The following GTF2E2 variants were observed in gnomAD, a reference collection of about 807,000 sequenced individuals.
The protein encoded by GTF2E2 is general transcription factor IIE subunit 2.
A neutral mutation model predicts 40.5 loss-of-function variants in GTF2E2; 21 were observed. The observed-to-expected ratio is 0.52, with a 90% CI of 0.37 to 0.75. GTF2E2 has a LOEUF of 0.75. GTF2E2 is among the 30% of genes least tolerant of loss of function. The pLI, the probability that GTF2E2 is intolerant of heterozygous loss-of-function variation, is 0.00. For synonymous variants in GTF2E2, 117 were observed against 121.6 expected, an observed-to-expected ratio of 0.96 and a Z score of 0.25; for missense variants, 298 against 338.4, an observed-to-expected ratio of 0.88 and a Z score of 0.94.
intron 3 of GTF2E2, among the ~76,000 whole-genome samples, chr8:30,633,993 A>G (rs1037522373): frequency 2.0e-5 from 3 of 152,252 alleles, no homozygotes; most frequent in African/African-American, 7.2e-5. Context: ...TTTAACCAAT[A>G]GATGGATGAA....
intron 6 of GTF2E2, among the ~76,000 whole-genome samples, chr8:30,582,649 T>C (rs563514392): frequency 3.9e-5 from 6 of 152,358 alleles, no homozygotes; most frequent in African/African-American, 7.2e-5. Flanking sequence ...CACTGGTCAG[T>C]TGTTTTACAG....
intron 2 of GTF2E2, among the ~76,000 whole-genome samples, chr8:30,642,404 T>C (rs1054333871): frequency 6.6e-6 from 1 of 151,782 alleles, no homozygotes; most frequent in Admixed American, 6.6e-5. Flanking sequence ...TGGCTAACAA[T>C]AGACTTTTAA....
chr8:30,604,652 CAT>C (rs1162478247), intron 6 of GTF2E2, among the ~76,000 whole-genome samples: 1 of 152,180 alleles, frequency 6.6e-6, no homozygotes, highest in African/African-American at 2.4e-5. Flanking sequence ...AACTACCAAG[CAT>C]ATGTTATCAC....
intron 2 of GTF2E2, among the ~76,000 whole-genome samples, chr8:30,647,483 C>T (rs987972792): frequency 6.6e-6 from 1 of 152,030 alleles, no homozygotes; most frequent in Admixed American, 6.6e-5. Context: ...ACTTGGGAGG[C>T]TGAGGCAGAA....
intron 3 of GTF2E2, among the ~76,000 whole-genome samples, chr8:30,623,853 T>C (rs1801186084): frequency 6.6e-6 from 1 of 152,034 alleles, no homozygotes; most frequent in Middle Eastern, 3.4e-3. Flanking sequence ...GCCCACTTTT[T>C]GATGGGGTTT....
rs372189467 is a variant in GTF2E2, at chr8:30,653,501, G to A, written c.98C>T (p.Ser33Leu). ...EKRSASSESS[S>L]SSSKKKKTKV... is the part of the protein sequence containing the mutation. ...TGTTTTCTTCTTCTTTGACGATGAT[G>A]ATGATGACTCAGAAGATGCTGAACG... Residue 33 changes from serine to leucine, a missense_variant, in exon 2 of 8, where the codon TCA becomes TTA. Coordinates refer to ENST00000355904, the MANE Select transcript of GTF2E2 (RefSeq NM_002095.6). 6.2e-7 allele frequency: 1 copy of A among 1,613,444 alleles called. No individual in the cohort carries two copies. The highest frequency in any genetic ancestry group is 8.5e-7 in the Non-Finnish European group (1 of 1,179,400).
At chr8:30,591,819 G>C (rs1159066074) in intron 6 of GTF2E2, among the ~76,000 whole-genome samples, 1 of 152,118 alleles carries the variant, frequency 6.6e-6, no homozygotes, top group African/African-American at 2.4e-5. Context: ...ACAAAAACTT[G>C]TATAGGTATG....
At chr8:30,621,543 T>C (rs760617418) in intron 3 of GTF2E2, among the ~76,000 whole-genome samples, 1 of 152,130 alleles carries the variant, frequency 6.6e-6, no homozygotes, top group African/African-American at 2.4e-5. Flanking sequence ...AACTAGAGAC[T>C]TGATTTAGTT....
At chr8:30,601,842 T>C (rs1250416491) in intron 6 of GTF2E2, among the ~76,000 whole-genome samples, 1 of 152,204 alleles carries the variant, frequency 6.6e-6, no homozygotes, top group African/African-American at 2.4e-5. Context: ...AAGAATCCTT[T>C]ACCACTTAAG....
At chr8:30,644,138 T>C (rs1801968520) in intron 2 of GTF2E2, among the ~76,000 whole-genome samples, 1 of 152,202 alleles carries the variant, frequency 6.6e-6, no homozygotes. Context: ...CTAATTTAGT[T>C]CCTCATTACT....
At chr8:30,599,237 G>C (rs1829099779) in intron 6 of GTF2E2, among the ~76,000 whole-genome samples, 1 of 151,826 alleles carries the variant, frequency 6.6e-6, no homozygotes, top group South Asian at 2.1e-4. Context: ...TGTACACACA[G>C]CACTATCTGT....
In GTF2E2 at chr8:30,594,259, CT is replaced by C. The variant is rs541723621; in HGVS notation, c.643+12797del. 1.5e-3 allele frequency among the ~76,000 whole-genome samples: 219 copies of C among 146,464 alleles called. 2 individuals are homozygous for C. Among genetic ancestry groups the C allele is most frequent in the South Asian group, 0.014 (62 of 4,542 alleles). ...ACCCATCTATATTTAAAGTGAGTTTCTTTTTTTTTCTTTTTTTAGACAGAGT... is the reference window on the plus strand; with the variant it reads ...ACCCATCTATATTTAAAGTGAGTTTCTTTTTTTTCTTTTTTTAGACAGAGT... On this transcript the variant is annotated intron_variant, in intron 6 of 7. Transcript: ENST00000355904.
At chr8:30,596,637 T>C (rs1045146562) in intron 6 of GTF2E2, among the ~76,000 whole-genome samples, 3 of 152,216 alleles carry the variant, frequency 2.0e-5, no homozygotes, top group Non-Finnish European at 2.9e-5. Context: ...GAATTTGGTC[T>C]TAAAAGTGTC....
chr8:30,628,483 C>T (rs1021522714), intron 3 of GTF2E2, among the ~76,000 whole-genome samples: 1 of 152,142 alleles, frequency 6.6e-6, no homozygotes, highest in African/African-American at 2.4e-5. Context: ...AATGTGAACT[C>T]GGAGGTATAG....
intron 2 of GTF2E2, among the ~76,000 whole-genome samples, chr8:30,649,886 A>T (rs1472613394): frequency 6.6e-6 from 1 of 152,246 alleles, no homozygotes. Flanking sequence ...ACTTCTAAAA[A>T]GCCACAAAGT....
At chr8:30,639,767 G>GT (rs144757695) in intron 2 of GTF2E2, among the ~76,000 whole-genome samples, 2,203 of 147,438 alleles carry the variant, frequency 0.015, 50 homozygotes, top group African/African-American at 0.046. Flanking sequence ...AAGGGTTTTT[G>GT]TTTTTTTTTT....
intron 3 of GTF2E2, among the ~76,000 whole-genome samples, chr8:30,626,282 C>CT (rs1563496074): frequency 1.3e-5 from 2 of 152,104 alleles, no homozygotes; most frequent in African/African-American, 2.4e-5. Flanking sequence ...GTCAAGAGAT[C>CT]GAGACCATCC....
At chr8:30,627,558 G>C (rs1801324953) in intron 3 of GTF2E2, among the ~76,000 whole-genome samples, 1 of 151,676 alleles carries the variant, frequency 6.6e-6, no homozygotes, top group Admixed American at 6.6e-5. Context: ...GCCAGATGCA[G>C]TGGCGCACAC....
intron 3 of GTF2E2, among the ~76,000 whole-genome samples, chr8:30,620,908 AAC>A (rs1178310131): frequency 2.6e-5 from 4 of 151,880 alleles, no homozygotes; most frequent in Admixed American, 6.6e-5. Context: ...CAGCCTGGGA[AAC>A]AGAGTGATAT....
Sources: allele counts gnomAD v4.1 joint callset (sites outside exome capture counted in the v4.1 genomes callset), GRCh38; gene constraint gnomAD v4.1.1; transcripts MANE v1.5; gene names NCBI Gene and HGNC (gene_info 2026-07-23, HGNC 2026-07-21).